ADAMTS18: variants seen among roughly 807,000 people sequenced by gnomAD.
ADAMTS18 encodes A disintegrin and metalloproteinase with thrombospondin motifs 18.
In ADAMTS18, 157 loss-of-function variants were observed where a neutral mutation model predicts 165.9. That is an observed-to-expected ratio of 0.95 (90% CI 0.83 to 1.08). The LOEUF is 1.08. ADAMTS18 is among the 50% of genes least tolerant of loss of function. The pLI is 0.00. For synonymous variants in ADAMTS18, 782 were observed against 578.2 expected, an observed-to-expected ratio of 1.35 and a Z score of -5.06; for missense variants, 2,040 against 1,534.0, an observed-to-expected ratio of 1.33 and a Z score of -5.51.
chr16:77,432,117 G>A (rs1017376714), intron 2 of ADAMTS18, among the ~76,000 whole-genome samples: 4 of 152,188 alleles, frequency 2.6e-5, no homozygotes, highest in African/African-American at 9.7e-5. Context: ...CTAACTCACA[G>A]TGTGGGGTAG....
chr16:77,426,165 ATGTT>A (rs1205723537), intron 3 of ADAMTS18, among the ~76,000 whole-genome samples: 1 of 152,176 alleles, frequency 6.6e-6, no homozygotes, highest in Non-Finnish European at 1.5e-5. Context: ...TATGTTAAAG[ATGTT>A]TGTTTAGCTT....
intron 3 of ADAMTS18, among the ~76,000 whole-genome samples, chr16:77,396,526 A>T (rs1445741482): frequency 1.3e-5 from 2 of 152,244 alleles, no homozygotes; most frequent in African/African-American, 2.4e-5. Context: ...AAGGCTGAAA[A>T]ATCATTTTAG....
At chr16:77,290,559 G>C (rs928683647) in intron 21 of ADAMTS18, 1 of 153,416 alleles carries the variant, frequency 6.5e-6, no homozygotes, top group Admixed American at 6.4e-5. Flanking sequence ...GATAACGTAC[G>C]TACATATTGA....
intron 3 of ADAMTS18, among the ~76,000 whole-genome samples, chr16:77,391,565 G>C (rs1393590145): frequency 6.6e-6 from 1 of 151,728 alleles, no homozygotes; most frequent in Non-Finnish European, 1.5e-5. Context: ...GTAATTGTTT[G>C]AGTATTCCTA....
At position 77,283,883 on chromosome 16, in the gene ADAMTS18, T is replaced by C. The variant is rs1597070878; in HGVS notation, c.*73A>G. 1 of 1,206,880 alleles carries C rather than the reference T, an allele frequency of 8.3e-7. No homozygotes were observed. The highest frequency in any genetic ancestry group is 2.4e-5 in the East Asian group (1 of 42,522). 74.8% of individuals were successfully genotyped at this position (1,206,880 alleles called of 1,614,324 possible). On this transcript the variant is annotated 3_prime_UTR_variant, in exon 23 of 23. Coordinates refer to ENST00000282849, the MANE Select transcript of ADAMTS18 (RefSeq NM_199355.4). ...GGTTCTCGGTGCTCAGCTCCTGGTC[T>C]CAAAGGCAGCTGGTCTCTCTAGAGG...
intron 10 of ADAMTS18, among the ~76,000 whole-genome samples, chr16:77,350,624 A>G (rs1480671350): frequency 6.6e-6 from 1 of 152,116 alleles, no homozygotes; most frequent in African/African-American, 2.4e-5. Flanking sequence ...AAATCCAGAG[A>G]TTTGTGTGTG....
intron 3 of ADAMTS18, among the ~76,000 whole-genome samples, chr16:77,389,115 C>A (rs930871272): frequency 1.3e-5 from 2 of 152,108 alleles, no homozygotes; most frequent in African/African-American, 2.4e-5. Context: ...GCCTGGGCAA[C>A]ATGGCGAAAC....
intron 17 of ADAMTS18, among the ~76,000 whole-genome samples, chr16:77,297,815 A>G (rs900907122): frequency 2.0e-5 from 3 of 151,916 alleles, no homozygotes; most frequent in Admixed American, 6.6e-5. Context: ...TTGCCTTAAC[A>G]TGAAATATCT....
chr16:77,400,767 C>A (rs35866181), intron 3 of ADAMTS18, among the ~76,000 whole-genome samples: 18,237 of 151,820 alleles, frequency 0.12, 1,370 homozygotes, highest in East Asian at 0.22. Flanking sequence ...CCACGCCTGG[C>A]CTCTCTGTGG....
chr16:77,331,327 T>C (rs1694671515), intron 12 of ADAMTS18, among the ~76,000 whole-genome samples: 1 of 152,160 alleles, frequency 6.6e-6, no homozygotes, highest in African/African-American at 2.4e-5. Context: ...TGTAAAATGT[T>C]GTAATGGATG....
At chr16:77,320,625 C>A (rs78194045) in intron 15 of ADAMTS18, among the ~76,000 whole-genome samples, 1 of 102,994 alleles carries the variant, frequency 9.7e-6, no homozygotes, top group South Asian at 3.8e-4. Context: ...GGTGACAGAG[C>A]AAGACTCTGT....
chr16:77,419,892 G>C (rs565767075), intron 3 of ADAMTS18, among the ~76,000 whole-genome samples: 3 of 150,986 alleles, frequency 2.0e-5, no homozygotes, highest in African/African-American at 7.3e-5. Context: ...CCAGCTACTT[G>C]GGAGGCCGAG....
intron 10 of ADAMTS18, among the ~76,000 whole-genome samples, chr16:77,352,640 T>C (rs1322779768): frequency 6.6e-6 from 1 of 151,568 alleles, no homozygotes; most frequent in Non-Finnish European, 1.5e-5. Context: ...ATGGTGATGG[T>C]GGTGGTGGTG....
intron 15 of ADAMTS18, 74 bp from the exon 16 acceptor site, chr16:77,320,167 A>G (rs2055969540): frequency 1.3e-6 from 2 of 1,574,804 alleles, no homozygotes; most frequent in African/African-American, 1.4e-5. Flanking sequence ...ATGGCCCGAC[A>G]TGTAGTGTTC....
At chr16:77,409,813 G>A (rs763611931) in intron 3 of ADAMTS18, among the ~76,000 whole-genome samples, 3 of 151,798 alleles carry the variant, frequency 2.0e-5, no homozygotes, top group Non-Finnish European at 2.9e-5. Flanking sequence ...TTGTGCTTTT[G>A]GAGTAAAGAA....
At chr16:77,310,014 A>C (rs754024846) in intron 16 of ADAMTS18, among the ~76,000 whole-genome samples, 3 of 152,200 alleles carry the variant, frequency 2.0e-5, no homozygotes, top group Non-Finnish European at 4.4e-5. Context: ...GGCCAGTCTC[A>C]AGAGATGATC....
At chr16:77,418,680 T>C (rs1211141238) in intron 3 of ADAMTS18, among the ~76,000 whole-genome samples, 1 of 152,228 alleles carries the variant, frequency 6.6e-6, no homozygotes, top group African/African-American at 2.4e-5. Flanking sequence ...GAAAACTTGC[T>C]TCTTCTCTTT....
chr16:77,347,515 G>A (rs544509970), intron 10 of ADAMTS18, among the ~76,000 whole-genome samples: 3 of 152,004 alleles, frequency 2.0e-5, no homozygotes, highest in Non-Finnish European at 2.9e-5. Context: ...AGTGTGCAGT[G>A]GTGCCCCATT....
At position 77,320,049 on chromosome 16, in the gene ADAMTS18, C is replaced by T. The variant is rs779170683; in HGVS notation, c.2332G>A (p.Glu778Lys). 1.9e-6 allele frequency: 3 copies of T among 1,613,894 alleles called. No homozygotes were observed. The highest frequency in any genetic ancestry group is 2.7e-5 in the African/African-American group (2 of 74,866). Residue 778 changes from glutamate to lysine, a missense_variant, in exon 16 of 23, where the codon GAA (glutamate) becomes AAA (lysine). By Grantham distance (56) the Glu-to-Lys change is moderately conservative. Transcript: ENST00000282849. The stretch of plus-strand genomic sequence containing the variant: ...GAGGAAACCTGCAGCTCCTGGATTT[C>T]GATGCTTCGGGCGCCAGCTGGAATG... ...VLIPAGARSI[E>K]IQELQVSSSY...
Sources: gnomAD v4.1 joint callset for allele counts (sites outside exome capture counted in the v4.1 genomes callset) on GRCh38, gnomAD v4.1.1 for gene constraint, MANE v1.5 for transcripts, NCBI Gene and HGNC (gene_info 2026-07-23, HGNC 2026-07-21) for gene names.